SEZ6L: variants seen among roughly 807,000 people sequenced by gnomAD.
SEZ6L encodes seizure related 6 homolog like, also known as seizure 6-like protein.
A neutral mutation model predicts 106.2 loss-of-function variants in SEZ6L; 37 were observed. The ratio of observed to expected loss-of-function variants is 0.35; its 90% CI spans 0.27 to 0.46. The LOEUF is 0.46. Ranked by LOEUF, SEZ6L falls within the 20% of genes least tolerant of loss-of-function variation. SEZ6L has a pLI of 1.00. For synonymous variants in SEZ6L, 541 were observed against 570.4 expected (o/e 0.95, Z 0.73); for missense variants, 1,172 against 1,332.8 (o/e 0.88, Z 1.88).
In SEZ6L at chr22:26,383,595, G is replaced by A. The variant is rs2084475399; in HGVS notation, c.*3300G>A. ...TGATGCTAATAAAACAGATGAAAAA[G>A]ACTCAAGTGTGTAGAATTTTTGTTA... On this transcript the variant is annotated 3_prime_UTR_variant, in exon 17 of 17. Coordinates refer to ENST00000248933, the MANE Select transcript of SEZ6L (RefSeq NM_021115.5). 6.6e-6 allele frequency: 1 copy of A among 152,184 alleles called. No homozygotes were observed. Among genetic ancestry groups the A allele is most frequent in the South Asian group, 2.1e-4 (1 of 4,828 alleles). 9.4% of individuals were successfully genotyped at this position (152,184 alleles called of 1,614,324 possible).
intron 10 of SEZ6L, among the ~76,000 whole-genome samples, chr22:26,341,348 C>A (rs537104843): frequency 6.6e-6 from 1 of 152,092 alleles, no homozygotes; most frequent in Admixed American, 6.5e-5. Flanking sequence ...CATCCAATCA[C>A]ACTCTTCCCT....
At chr22:26,329,961 A>G (rs1436509206) in intron 9 of SEZ6L, among the ~76,000 whole-genome samples, 64 of 152,242 alleles carry the variant, frequency 4.2e-4, no homozygotes, top group Admixed American at 4.2e-3. Flanking sequence ...GATTTATTTC[A>G]TCACTATCTC....
Position 26,381,955 on chromosome 22 carries a change from G to T in SEZ6L, c.*1660G>T. 1 of 509,802 alleles carries T rather than the reference G, an allele frequency of 2.0e-6. No individual in the cohort carries two copies. Among genetic ancestry groups the T allele is most frequent in the Non-Finnish European group, 3.9e-6 (1 of 255,372 alleles). The allele number at this position is 509,802 out of a possible 1,614,324, so 31.6% of individuals were successfully genotyped here. ...AGAATAGCAGGGAGTCTATGTTTTG[G>T]TGGTTACATTGGAAACATCTTAAGC... On this transcript the variant is annotated 3_prime_UTR_variant, in exon 17 of 17. Coordinates refer to ENST00000248933, the MANE Select transcript of SEZ6L (RefSeq NM_021115.5).
At chr22:26,281,517 G>A (rs948152565) in intron 1 of SEZ6L, among the ~76,000 whole-genome samples, 1 of 151,800 alleles carries the variant, frequency 6.6e-6, no homozygotes, top group Non-Finnish European at 1.5e-5. Flanking sequence ...TGGGAATACA[G>A]GCGCCCGCCA....
intron 13 of SEZ6L, among the ~76,000 whole-genome samples, chr22:26,366,478 G>A (rs748471769): frequency 1.1e-4 from 16 of 152,174 alleles, no homozygotes; most frequent in Non-Finnish European, 2.4e-4. Flanking sequence ...AGGATTGCTT[G>A]AGCCGGGGAG....
chr22:26,216,176 C>T (rs2078293707), intron 1 of SEZ6L, among the ~76,000 whole-genome samples: 2 of 152,162 alleles, frequency 1.3e-5, no homozygotes, highest in South Asian at 4.1e-4. Context: ...AAACAGAAAA[C>T]CAGGGAGAGC....
At chr22:26,194,810 C>T (rs1387742234) in intron 1 of SEZ6L, among the ~76,000 whole-genome samples, 1 of 152,192 alleles carries the variant, frequency 6.6e-6, no homozygotes, top group African/African-American at 2.4e-5. Context: ...ATAGCTCCCA[C>T]CTGGAGGGAC....
chr22:26,321,173 G>A (rs1325296350), intron 9 of SEZ6L, among the ~76,000 whole-genome samples: 3 of 152,182 alleles, frequency 2.0e-5, no homozygotes, highest in South Asian at 2.1e-4. Flanking sequence ...ACATCTTCAC[G>A]ACAAGCACAT....
intron 1 of SEZ6L, among the ~76,000 whole-genome samples, chr22:26,176,973 C>T (rs1939045271): frequency 6.6e-6 from 1 of 152,200 alleles, no homozygotes; most frequent in Non-Finnish European, 1.5e-5. Context: ...ACTCCCTCCC[C>T]CTAAACAATG....
chr22:26,293,311 C>T (rs546643205), intron 2 of SEZ6L, among the ~76,000 whole-genome samples, 165 bp downstream of exon 2: 2 of 152,308 alleles, frequency 1.3e-5, no homozygotes, highest in South Asian at 4.1e-4. Flanking sequence ...AATTAATAGC[C>T]TCATTTCATT....
At chr22:26,198,316 A>C (rs1474239633) in intron 1 of SEZ6L, among the ~76,000 whole-genome samples, 1 of 152,244 alleles carries the variant, frequency 6.6e-6, no homozygotes, top group Non-Finnish European at 1.5e-5. Context: ...TACATGTAAA[A>C]GTACTTCAGA....
In SEZ6L at chr22:26,380,621, T is replaced by TGCTAACAGTGCTGC; in HGVS notation, c.*326_*327insGCTAACAGTGCTGC. 3.5e-6 allele frequency: 1 copy of TGCTAACAGTGCTGC among 283,026 alleles called. No individual in the cohort carries two copies. 17.5% of individuals were successfully genotyped at this position (283,026 alleles called of 1,614,324 possible). A position where few individuals can be genotyped will look rare whatever the true frequency, so the allele number is the denominator to read the frequency against. On this transcript the variant is annotated 3_prime_UTR_variant, in exon 17 of 17. Transcript: ENST00000248933. Reference sequence around the variant, plus strand: ...GTTTCTCCCATCAGCAATGCCATGCTAAGGCTGCATTGAATTGCATGCATC... The same window carrying TGCTAACAGTGCTGC: ...GTTTCTCCCATCAGCAATGCCATGCTGCTAACAGTGCTGCAAGGCTGCATTGAATTGCATGCATC...
At chr22:26,173,553 C>T (rs1477807299) in intron 1 of SEZ6L, among the ~76,000 whole-genome samples, 4 of 152,182 alleles carry the variant, frequency 2.6e-5, no homozygotes, top group Non-Finnish European at 2.9e-5. Flanking sequence ...GGGAAGAAGA[C>T]ATAAGAAGCA....
chr22:26,333,327 A>G (rs768285781), intron 9 of SEZ6L, among the ~76,000 whole-genome samples: 5 of 152,178 alleles, frequency 3.3e-5, no homozygotes, highest in African/African-American at 7.2e-5. Flanking sequence ...CTACATATCC[A>G]AGAAGGATCA....
chr22:26,241,048 A>T (rs2145769467), intron 1 of SEZ6L, among the ~76,000 whole-genome samples: 1 of 152,226 alleles, frequency 6.6e-6, no homozygotes, highest in East Asian at 1.9e-4. Flanking sequence ...TCTAGAGAAG[A>T]GTGTCCAGGC....
chr22:26,249,754 A>G (rs1406550958), intron 1 of SEZ6L, among the ~76,000 whole-genome samples: 1 of 152,178 alleles, frequency 6.6e-6, no homozygotes, highest in East Asian at 1.9e-4. Flanking sequence ...AAACCTTGAT[A>G]CTGTTTTCCA....
At chr22:26,233,789 G>T (rs2078873097) in intron 1 of SEZ6L, among the ~76,000 whole-genome samples, 1 of 152,190 alleles carries the variant, frequency 6.6e-6, no homozygotes, top group African/African-American at 2.4e-5. Context: ...AATGAGTGTT[G>T]GGGTATGGGG....
intron 9 of SEZ6L, among the ~76,000 whole-genome samples, chr22:26,329,223 T>G (rs1231560732): frequency 1.3e-5 from 2 of 152,148 alleles, no homozygotes; most frequent in Non-Finnish European, 2.9e-5. Flanking sequence ...ATCCCAGCAC[T>G]CTGGGAGGCC....
intron 12 of SEZ6L, among the ~76,000 whole-genome samples, chr22:26,352,540 G>A (rs1260676110): frequency 6.6e-6 from 1 of 152,204 alleles, no homozygotes; most frequent in Non-Finnish European, 1.5e-5. Context: ...CTCCTATAGT[G>A]GCTATGTTTT....
Sources: allele counts gnomAD v4.1 joint callset (sites outside exome capture counted in the v4.1 genomes callset), GRCh38; gene constraint gnomAD v4.1.1; transcripts MANE v1.5; gene names NCBI Gene and HGNC (gene_info 2026-07-23, HGNC 2026-07-21).